DENND1B: variants seen among roughly 807,000 people sequenced by gnomAD.
DENND1B encodes the protein DENN domain containing 1B.
Under a neutral mutation model 90.1 loss-of-function variants are expected in DENND1B, and 59 were observed. The observed-to-expected ratio is 0.65, with a 90% CI of 0.53 to 0.81. The LOEUF is 0.81. Ranked by LOEUF, DENND1B falls within the 40% of genes least tolerant of loss-of-function variation. The pLI is 0.00. For synonymous variants in DENND1B, 337 were observed against 324.6 expected (o/e 1.04, Z -0.41); for missense variants, 862 against 912.6 (o/e 0.94, Z 0.71).
At chr1:197,635,383 G>T (rs539553208) in intron 10 of DENND1B, among the ~76,000 whole-genome samples, 1 of 152,032 alleles carries the variant, frequency 6.6e-6, no homozygotes, top group South Asian at 2.1e-4. Context: ...CTGTTGCCAG[G>T]CTGGAATGCA....
intron 15 of DENND1B, among the ~76,000 whole-genome samples, chr1:197,578,446 T>C (rs1475757879): frequency 6.6e-6 from 1 of 152,112 alleles, no homozygotes; most frequent in African/African-American, 2.4e-5. Flanking sequence ...GGTTTCACCA[T>C]GTTGGCCAGG....
At chr1:197,662,975 C>A (rs1015135361) in intron 5 of DENND1B, among the ~76,000 whole-genome samples, 4 of 152,000 alleles carry the variant, frequency 2.6e-5, no homozygotes, top group South Asian at 2.1e-4. Context: ...TTTTGGTAAA[C>A]CCTTCCAATT....
At chr1:197,627,644 C>A (rs1300883664) in intron 10 of DENND1B, among the ~76,000 whole-genome samples, 2 of 152,000 alleles carry the variant, frequency 1.3e-5, no homozygotes, top group African/African-American at 4.8e-5. Context: ...TCTCTCACCA[C>A]TCCTATTCAA....
At chr1:197,627,182 G>T (rs1678833077) in intron 10 of DENND1B, among the ~76,000 whole-genome samples, 1 of 152,036 alleles carries the variant, frequency 6.6e-6, no homozygotes, top group Non-Finnish European at 1.5e-5. Context: ...ATTTTATGAG[G>T]CCAGCATCAT....
intron 3 of DENND1B, among the ~76,000 whole-genome samples, chr1:197,685,328 T>C (rs1019227384): frequency 6.6e-6 from 1 of 152,164 alleles, no homozygotes; most frequent in Non-Finnish European, 1.5e-5. Context: ...TGTCTATACC[T>C]GGTGGTCAGA....
intron 10 of DENND1B, among the ~76,000 whole-genome samples, chr1:197,641,076 A>G (rs1680232568): frequency 6.6e-6 from 1 of 152,214 alleles, no homozygotes; most frequent in Non-Finnish European, 1.5e-5. Flanking sequence ...AATAATTGCT[A>G]TTTGTTTGCT....
chr1:197,555,664 C>G (rs1671652821), intron 15 of DENND1B, among the ~76,000 whole-genome samples: 1 of 152,058 alleles, frequency 6.6e-6, no homozygotes, highest in South Asian at 2.1e-4. Context: ...GATACCACCT[C>G]ACAGCAGTCA....
At chr1:197,554,134 C>T (rs1377073279) in intron 15 of DENND1B, among the ~76,000 whole-genome samples, 1 of 151,532 alleles carries the variant, frequency 6.6e-6, no homozygotes, top group South Asian at 2.1e-4. Flanking sequence ...CACACACACA[C>T]ACACACACAC....
chr1:197,742,186 G>A (rs1268144277), intron 2 of DENND1B, among the ~76,000 whole-genome samples: 1 of 152,020 alleles, frequency 6.6e-6, no homozygotes, highest in Non-Finnish European at 1.5e-5. Context: ...AATGCTTTAT[G>A]TTATCAACTG....
intron 3 of DENND1B, among the ~76,000 whole-genome samples, chr1:197,700,865 A>C (rs76460553): frequency 0.033 from 5,060 of 152,274 alleles, 271 homozygotes; most frequent in African/African-American, 0.11. Context: ...ACAGAAATGC[A>C]AATCAAAACC....
rs1667720561 is a variant in DENND1B, at chr1:197,506,152, A to T, written c.*4308T>A. 1 of 151,702 alleles carries T rather than the reference A, an allele frequency of 6.6e-6. No individual in the cohort carries two copies. The highest frequency in any genetic ancestry group is 1.5e-5 in the Non-Finnish European group (1 of 67,714). The allele number at this position is 151,702 out of a possible 1,614,324, so 9.4% of individuals were successfully genotyped here. ...ACCTTAAGGCATCTGCCAGAAAAAC[A>T]GATGTACATATTTATATGAACTAAG... On this transcript the variant is annotated 3_prime_UTR_variant, in exon 23 of 23. Coordinates refer to ENST00000620048, the MANE Select transcript of DENND1B (RefSeq NM_001195215.2).
chr1:197,777,320 G>A (rs914888472), upstream of DENND1B, among the ~76,000 whole-genome samples: 2 of 152,160 alleles, frequency 1.3e-5, no homozygotes, highest in East Asian at 3.8e-4. Context: ...CCCTTGAACA[G>A]TATAAAATTG....
intron 2 of DENND1B, chr1:197,734,102 A>G (rs1662405028): frequency 2.1e-6 from 2 of 963,416 alleles, no homozygotes; most frequent in Non-Finnish European, 1.2e-6. Context: ...ACCCAATCAA[A>G]ATGCAGAAGT....
chr1:197,775,090 G>A (rs1197232185), intron 1 of DENND1B, 49 bp downstream of exon 1: 30 of 1,206,646 alleles, frequency 2.5e-5, no homozygotes, highest in Non-Finnish European at 2.8e-5. Flanking sequence ...GCCTGGGAGG[G>A]GCCGCCGAGG....
At chr1:197,646,034 G>T (rs1014701196) in intron 8 of DENND1B, among the ~76,000 whole-genome samples, 2 of 151,690 alleles carry the variant, frequency 1.3e-5, no homozygotes, top group African/African-American at 4.8e-5. Flanking sequence ...TTGCTGAAAG[G>T]TTTATTTTGT....
intron 15 of DENND1B, among the ~76,000 whole-genome samples, chr1:197,572,076 T>C (rs1414789897): frequency 6.6e-6 from 1 of 152,024 alleles, no homozygotes. Context: ...GGGCAGTGGG[T>C]ACAGCCCACA....
chr1:197,617,640 C>G lies in DENND1B; in HGVS notation c.773+19G>C, dbSNP rs1327006314. The G allele has an allele frequency of 2.5e-6, 4 of 1,583,426 alleles. No homozygotes were observed. The highest frequency in any genetic ancestry group is 2.7e-5 in the African/African-American group (2 of 73,890). ...TCATGAAACCTAAACTTAAAGGAGT[C>G]TGGCAAAAGCCAGCTTACCAGCAGT... is the stretch of plus-strand genomic sequence containing the variant. On this transcript the variant is annotated intron_variant, in intron 11 of 22. Transcript: ENST00000620048.
At chr1:197,737,989 C>T (rs1662866896) in intron 2 of DENND1B, among the ~76,000 whole-genome samples, 1 of 146,330 alleles carries the variant, frequency 6.8e-6, no homozygotes, top group South Asian at 2.3e-4. Context: ...AGCAGATAAC[C>T]CAGCTCATTT....
chr1:197,664,751 G>T (rs558965208), intron 5 of DENND1B, among the ~76,000 whole-genome samples: 36 of 152,170 alleles, frequency 2.4e-4, no homozygotes, highest in African/African-American at 7.5e-4. Flanking sequence ...CTGTTTTTCT[G>T]TCTGGAAAAT....
Sources: allele counts gnomAD v4.1 joint callset (sites outside exome capture counted in the v4.1 genomes callset), GRCh38; gene constraint gnomAD v4.1.1; transcripts MANE v1.5; gene names NCBI Gene and HGNC (gene_info 2026-07-23, HGNC 2026-07-21).